The following ACSL3 variants were observed in gnomAD, a reference collection of about 807,000 sequenced individuals.
ACSL3 encodes fatty acid CoA ligase Acsl3.
Under a neutral mutation model 84.7 loss-of-function variants are expected in ACSL3, and 34 were observed. The observed-to-expected ratio is 0.40, with a 90% CI of 0.31 to 0.53. The LOEUF is 0.53. Ranked by LOEUF, ACSL3 falls within the 20% of genes least tolerant of loss-of-function variation. ACSL3 has a pLI of 0.48. For synonymous variants in ACSL3, 315 were observed against 299.4 expected (o/e 1.05, Z -0.54); for missense variants, 680 against 873.1 (o/e 0.78, Z 2.79).
In ACSL3 at chr2:222,918,136, T is replaced by C. The variant is rs1428715133; in HGVS notation, c.647T>C (p.Leu216Pro). The change falls in exon 6 of 17, where the codon CTC (leucine) becomes CCC (proline). Residue 216 changes from leucine to proline, a missense_variant. Physicochemically the swap from Leu to Pro is moderately conservative, Grantham distance 98 (BLOSUM62 -3). This residue lies in a region of ACSL3 where 333 missense variants were observed against 347.5 expected (regional missense o/e 0.96). Coordinates refer to ENST00000357430, the MANE Select transcript of ACSL3 (RefSeq NM_004457.5). ...EVTNIITSKE[L>P]LQTKLKDIVS... The stretch of plus-strand genomic sequence containing the variant: ...ACCAACATCATTACTAGTAAAGAAC[T>C]CTTACAAACAAAGTTGAAGGTGAGG... The C allele has an allele frequency of 2.2e-5, 36 of 1,610,178 alleles. No individual in the cohort carries two copies. The highest frequency in any genetic ancestry group is 2.8e-5 in the Non-Finnish European group (33 of 1,177,474).
intron 1 of ACSL3, among the ~76,000 whole-genome samples, chr2:222,877,770 G>A (rs1422977203): frequency 6.6e-6 from 1 of 152,144 alleles, no homozygotes; most frequent in Non-Finnish European, 1.5e-5. Context: ...TTTGGGAATT[G>A]CCCTTGATGC....
chr2:222,928,755 G>A, intron 12 of ACSL3, 107 bp from the exon 13 acceptor site: 1 of 920,688 alleles, frequency 1.1e-6, no homozygotes. Flanking sequence ...AGGAATAGCT[G>A]GGGATACCTC....
In ACSL3 at chr2:222,921,470, A is replaced by G. The variant is rs186465496; in HGVS notation, c.956+40A>G. ...AGTAACATTGAGTAGTTAAGTATTT[A>G]TGTCTGTTATAATGTTAGCATTTGT... On this transcript the variant is annotated intron_variant, in intron 8 of 16. Coordinates refer to ENST00000357430, the MANE Select transcript of ACSL3 (RefSeq NM_004457.5). 1.4e-3 allele frequency: 2,210 copies of G among 1,530,326 alleles called. 6 individuals carry two copies. The highest frequency in any genetic ancestry group is 2.1e-3 in the Middle Eastern group (12 of 5,792). The allele number at this position is 1,530,326 out of a possible 1,614,324, so 94.8% of individuals were successfully genotyped here.
Position 222,943,996 on chromosome 2 carries a change from C to T in ACSL3, c.*2342C>T, listed in dbSNP as rs1399226335. The stretch of plus-strand genomic sequence containing the variant: ...CTAAGCTCTATGAAGAATTCGTAAG[C>T]ATTACATGTTCCAGTAAGTTTAGCA... On this transcript the variant is annotated 3_prime_UTR_variant, in exon 17 of 17. Coordinates refer to ENST00000357430, the MANE Select transcript of ACSL3 (RefSeq NM_004457.5). The T allele has an allele frequency of 6.6e-6, 1 of 152,096 alleles. No individual in the cohort carries two copies. The highest frequency in any genetic ancestry group is 1.5e-5 in the Non-Finnish European group (1 of 67,964). The allele number at this position is 152,096 out of a possible 1,614,324, so 9.4% of individuals were successfully genotyped here. A position where few individuals can be genotyped will look rare whatever the true frequency, so the allele number is the denominator to read the frequency against.
chr2:222,937,710 T>C (rs1278375985), intron 16 of ACSL3, among the ~76,000 whole-genome samples: 1 of 152,178 alleles, frequency 6.6e-6, no homozygotes, highest in African/African-American at 2.4e-5. Context: ...ATGTTTCTTG[T>C]GGATGGCATA....
At chr2:222,923,666 A>AT (rs1258244389) in intron 10 of ACSL3, among the ~76,000 whole-genome samples, 6 of 152,232 alleles carry the variant, frequency 3.9e-5, no homozygotes, top group African/African-American at 1.4e-4. Flanking sequence ...GGCAGCAGTG[A>AT]TTTTCTGGCT....
In ACSL3 at chr2:222,887,370, A is replaced by G. The variant is rs187351184; in HGVS notation, c.-206-460A>G. ...TGCTTCCAGCTTTTGGCAATTATGA[A>G]TCAAACTGCTATGGACATGCATGTA... On this transcript the variant is annotated intron_variant, in intron 1 of 16. Coordinates refer to ENST00000357430, the MANE Select transcript of ACSL3 (RefSeq NM_004457.5). 3.8e-3 allele frequency among the ~76,000 whole-genome samples: 584 copies of G among 152,350 alleles called. 2 individuals carry two copies. Among genetic ancestry groups the G allele is most frequent in the Middle Eastern group, 0.02 (6 of 294 alleles).
intron 8 of ACSL3, 38 bp downstream of exon 8, chr2:222,921,468 T>A (rs1426566649): frequency 4.6e-6 from 7 of 1,529,960 alleles, no homozygotes; most frequent in Middle Eastern, 1.7e-4. Context: ...AGTTAAGTAT[T>A]TATGTCTGTT....
At chr2:222,922,668 A>C (rs748007632) in intron 8 of ACSL3, 40 bp from the exon 9 acceptor site, 30 of 1,611,742 alleles carry the variant, frequency 1.9e-5, no homozygotes, top group Non-Finnish European at 2.4e-5. Context: ...GGCATAGACG[A>C]CACCTGACTT....
intron 2 of ACSL3, among the ~76,000 whole-genome samples, chr2:222,900,061 A>G (rs1262169442): frequency 6.6e-6 from 1 of 152,218 alleles, no homozygotes; most frequent in African/African-American, 2.4e-5. Context: ...TCTAAGGTGT[A>G]GCAACATAAA....
At chr2:222,939,399 G>T (rs1161830529) in intron 16 of ACSL3, among the ~76,000 whole-genome samples, 1 of 152,140 alleles carries the variant, frequency 6.6e-6, no homozygotes, top group Non-Finnish European at 1.5e-5. Context: ...TCCCTCTGGT[G>T]TCTGTCTGTG....
At chr2:222,929,983 A>C (rs894039272) in intron 13 of ACSL3, among the ~76,000 whole-genome samples, 20 of 133,160 alleles carry the variant, frequency 1.5e-4, no homozygotes, top group African/African-American at 5.5e-4. Flanking sequence ...GCTGGAGTGC[A>C]GTGTCAATGG....
Position 222,928,717 on chromosome 2 carries a change from C to T in ACSL3, c.1466-145C>T, listed in dbSNP as rs552042941. ...GACTCTACAGGCCTCACGGCCTGTGCTTCACCAATATGTGACTTCTGCTTT... is the reference window on the plus strand; with the variant it reads ...GACTCTACAGGCCTCACGGCCTGTGTTTCACCAATATGTGACTTCTGCTTT... On this transcript the variant is annotated intron_variant, in intron 12 of 16. Coordinates refer to ENST00000357430, the MANE Select transcript of ACSL3 (RefSeq NM_004457.5). 330 of 711,546 alleles carry T rather than the reference C, an allele frequency of 4.6e-4. 1 individual carries two copies. Among genetic ancestry groups the T allele is most frequent in the South Asian group, 1.5e-3 (83 of 55,576 alleles). 44.1% of individuals were successfully genotyped at this position (711,546 alleles called of 1,614,324 possible).
At position 222,901,964 on chromosome 2, in the gene ACSL3, A is replaced by AAAAAAAGG. The variant is rs57522671; in HGVS notation, c.-41+1184_-41+1185insAAAAAAGG. Among the ~76,000 whole-genome samples the AAAAAAAGG allele has an allele frequency of 5.0e-5, 5 of 99,454 alleles. 1 individual carries two copies. Among genetic ancestry groups the AAAAAAAGG allele is most frequent in the African/African-American group, 8.1e-5 (2 of 24,624 alleles). 65.2% of individuals were successfully genotyped at this position (99,454 alleles called of 152,430 possible). On this transcript the variant is annotated intron_variant, in intron 3 of 16. Coordinates refer to ENST00000357430, the MANE Select transcript of ACSL3 (RefSeq NM_004457.5). ...GTCTCAAAAAAAAAAAAAAAAAAAAAGAACTCAAATATTGTTGAGGTAGCA... is the reference window on the plus strand; with the variant it reads ...GTCTCAAAAAAAAAAAAAAAAAAAAAAAAAAAGGGAACTCAAATATTGTTGAGGTAGCA...
chr2:222,884,799 C>G (rs1397621332), intron 1 of ACSL3, among the ~76,000 whole-genome samples: 1 of 152,172 alleles, frequency 6.6e-6, no homozygotes, highest in Non-Finnish European at 1.5e-5. Context: ...TGAAATTTCT[C>G]TTTTCTTGTA....
intron 16 of ACSL3, among the ~76,000 whole-genome samples, chr2:222,939,981 T>G (rs926783577): frequency 6.6e-6 from 1 of 152,222 alleles, no homozygotes; most frequent in Non-Finnish European, 1.5e-5. Context: ...TTTAAAAGAA[T>G]GTTTAGTAAA....
At chr2:222,874,697 C>T (rs879586240) in intron 1 of ACSL3, among the ~76,000 whole-genome samples, 2 of 151,560 alleles carry the variant, frequency 1.3e-5, no homozygotes, top group African/African-American at 4.9e-5. Context: ...ATTAGCAACC[C>T]GAGTATTTAT....
At chr2:222,875,341 C>G (rs929352359) in intron 1 of ACSL3, among the ~76,000 whole-genome samples, 9 of 151,816 alleles carry the variant, frequency 5.9e-5, no homozygotes, top group African/African-American at 1.9e-4. Context: ...GAATAAAAAC[C>G]TTTGGAGTGG....
chr2:222,865,048 T>A (rs1009248921), intron 1 of ACSL3, among the ~76,000 whole-genome samples: 1 of 152,250 alleles, frequency 6.6e-6, no homozygotes, highest in Non-Finnish European at 1.5e-5. Context: ...GTATATATTT[T>A]CATCTGACTT....
Sources: gnomAD v4.1 joint callset for allele counts (sites outside exome capture counted in the v4.1 genomes callset) on GRCh38, gnomAD v4.1.1 for gene constraint, gnomAD v4.1.1 regional missense constraint, MANE v1.5 for transcripts, NCBI Gene and HGNC (gene_info 2026-07-23, HGNC 2026-07-21) for gene names.